BUB3: variants seen among roughly 807,000 people sequenced by gnomAD.
BUB3 encodes the protein mitotic checkpoint protein BUB3.
Under a neutral mutation model 39.9 loss-of-function variants are expected in BUB3, and 22 were observed. That is an observed-to-expected ratio of 0.55 (90% CI 0.39 to 0.79). The LOEUF is 0.79. BUB3 is among the 30% of genes least tolerant of loss of function. BUB3 has a pLI of 0.00. For missense variants in BUB3, 303 were observed against 415.4 expected (o/e 0.73, Z 2.35); for synonymous variants, 168 against 155.1 (o/e 1.08, Z -0.62).
In BUB3 at chr10:123,164,961, GA is replaced by G. The variant is rs1844470467; in HGVS notation, c.*1128del. The G allele has an allele frequency of 1.6e-5, 25 of 1,516,612 alleles. No homozygotes were observed. The highest frequency in any genetic ancestry group is 2.2e-5 in the Non-Finnish European group (25 of 1,146,028). The allele number at this position is 1,516,612 out of a possible 1,614,324, so 93.9% of individuals were successfully genotyped here. A position where few individuals can be genotyped will look rare whatever the true frequency, so the allele number is the denominator to read the frequency against. ...TTTTTTTTAATTCTTTTGATACAGAGAAGGGTCTTTTTTTTTTTAAGTATTT... is the reference window on the plus strand; with the variant it reads ...TTTTTTTTAATTCTTTTGATACAGAGAGGGTCTTTTTTTTTTTAAGTATTT... On this transcript the variant is annotated 3_prime_UTR_variant, in exon 8 of 8. Transcript: ENST00000368865.
At chr10:123,156,282 C>G (rs11248416) in intron 3 of BUB3, among the ~76,000 whole-genome samples, 12,528 of 152,248 alleles carry the variant, frequency 0.082, 628 homozygotes, top group South Asian at 0.12. Flanking sequence ...ATGACTTACT[C>G]AAATTTTTTT....
At chr10:123,154,602 T>C (rs966491270) in intron 1 of BUB3, 117 bp downstream of exon 1, 3 of 261,470 alleles carry the variant, frequency 1.1e-5, no homozygotes, top group Non-Finnish European at 2.2e-5. Context: ...TGTTTTCCCT[T>C]TATTTTTAGG....
In BUB3 at chr10:123,162,292, C is replaced by A; in HGVS notation, c.633C>A (p.Ser211Arg). The A allele has an allele frequency of 1.2e-6, 2 of 1,614,030 alleles. No homozygotes were observed. The highest frequency in any genetic ancestry group is 1.1e-5 in the South Asian group (1 of 91,072). Residue 211 changes from serine (S) to arginine (R), a missense_variant, in exon 6 of 8, where the codon AGC becomes AGA. This residue lies in a region of BUB3 where 182 missense variants were observed against 293.1 expected (regional missense o/e 0.62). Transcript: ENST00000368865. ...TGGCAGTTGAGTATTTGGACCCAAG[C>A]CCTGAGGTACAGAAGAAGAAGTATG... Reference protein sequence around the residue: ...GRVAVEYLDPSPEVQKKKYAF... With the variant: ...GRVAVEYLDPRPEVQKKKYAF...
At position 123,169,627 on chromosome 10, in the gene BUB3, C is replaced by A. The variant is rs1296945962; in HGVS notation, c.*5792C>A. The A allele has an allele frequency of 6.6e-6, 1 of 152,202 alleles. No individual in the cohort carries two copies. Among genetic ancestry groups the A allele is most frequent in the Non-Finnish European group, 1.5e-5 (1 of 68,038 alleles). 9.4% of individuals were successfully genotyped at this position (152,202 alleles called of 1,614,324 possible). On this transcript the variant is annotated 3_prime_UTR_variant, in exon 8 of 8. Coordinates refer to ENST00000368865, the MANE Select transcript of BUB3 (RefSeq NM_004725.4). ...AGGAAAAGCAATGTGGGCAGAAATT[C>A]CTTGTTCGAGAGCCTTCTGGTTATA... is the stretch of plus-strand genomic sequence containing the variant.
chr10:123,160,387 GT>G lies in BUB3; in HGVS notation c.418-16del. On this transcript the variant is annotated intron_variant, in intron 4 of 7. Coordinates refer to ENST00000368865, the MANE Select transcript of BUB3 (RefSeq NM_004725.4). ...CAGGCAAGAAGGTGATTTTTAGCAAGTTTTGATCTTTTTTAAAAGGTATATA... is the reference window on the plus strand; with the variant it reads ...CAGGCAAGAAGGTGATTTTTAGCAAGTTTGATCTTTTTTAAAAGGTATATA... 1 of 1,497,400 alleles carries G rather than the reference GT, an allele frequency of 6.7e-7. No individual in the cohort carries two copies. Among genetic ancestry groups the G allele is most frequent in the Non-Finnish European group, 8.9e-7 (1 of 1,121,166 alleles). The allele number at this position is 1,497,400 out of a possible 1,614,324, so 92.8% of individuals were successfully genotyped here.
Position 123,162,214 on chromosome 10 carries a change from TCCTCTGG to T in BUB3, c.577-21_577-15del. The T allele has an allele frequency of 6.3e-7, 1 of 1,586,854 alleles. No individual in the cohort carries two copies. ...TGGAAGCTGGAATTTACCATTTTTT[TCCTCTGG>T]TTCTCTCTTGGCAGGGTTATGTATT... On this transcript the variant is annotated splice_polypyrimidine_tract_variant and intron_variant, in intron 5 of 7. Transcript: ENST00000368865.
At chr10:123,158,367 ATTT>A (rs1313785895) in intron 4 of BUB3, among the ~76,000 whole-genome samples, 1 of 152,172 alleles carries the variant, frequency 6.6e-6, no homozygotes, top group Admixed American at 6.5e-5. Context: ...TCGTATATTT[ATTT>A]TTTAATACTG....
Position 123,164,943 on chromosome 10 carries a change from TAA to T in BUB3, c.*1109_*1110del. ...TATTTTATCCGTGATGTATTTTTTT[TAA>T]TTCTTTTGATACAGAGAAGGGTCTT... On this transcript the variant is annotated 3_prime_UTR_variant, in exon 8 of 8. Coordinates refer to ENST00000368865, the MANE Select transcript of BUB3 (RefSeq NM_004725.4). 6.7e-7 allele frequency: 1 copy of T among 1,500,344 alleles called. No homozygotes were observed. 92.9% of individuals were successfully genotyped at this position (1,500,344 alleles called of 1,614,324 possible).
At chr10:123,163,465 C>T (rs148819427) in intron 7 of BUB3, among the ~76,000 whole-genome samples, 2 of 152,332 alleles carry the variant, frequency 1.3e-5, no homozygotes, top group Non-Finnish European at 2.9e-5. Context: ...ATGTGTTAAA[C>T]TATAAAATAC....
At position 123,168,399 on chromosome 10, in the gene BUB3, A is replaced by T. The variant is rs1347266675; in HGVS notation, c.*4564A>T. 1 of 152,216 alleles carries T rather than the reference A, an allele frequency of 6.6e-6. No homozygotes were observed. Among genetic ancestry groups the T allele is most frequent in the Non-Finnish European group, 1.5e-5 (1 of 68,030 alleles). 9.4% of individuals were successfully genotyped at this position (152,216 alleles called of 1,614,324 possible). A position where few individuals can be genotyped will look rare whatever the true frequency, so the allele number is the denominator to read the frequency against. On this transcript the variant is annotated 3_prime_UTR_variant, in exon 8 of 8. Transcript: ENST00000368865. ...AAGCCACACAGCCTGCATGGTGTCC[A>T]CTTTGAGGGGGATGCCCATAGCTAT...
chr10:123,168,934 C>T lies in BUB3; in HGVS notation c.*5099C>T, dbSNP rs1844521640. The T allele has an allele frequency of 6.6e-6, 1 of 152,158 alleles. No homozygotes were observed. The highest frequency in any genetic ancestry group is 6.5e-5 in the Admixed American group (1 of 15,274). 9.4% of individuals were successfully genotyped at this position (152,158 alleles called of 1,614,324 possible). A position where few individuals can be genotyped will look rare whatever the true frequency, so the allele number is the denominator to read the frequency against. The stretch of plus-strand genomic sequence containing the variant: ...TCAAGACAATTCTTCCAGTGTGGAC[C>T]AGGAAAGCCAAAAGATTGGACACCC... On this transcript the variant is annotated 3_prime_UTR_variant, in exon 8 of 8. Coordinates refer to ENST00000368865, the MANE Select transcript of BUB3 (RefSeq NM_004725.4).
At chr10:123,163,036 G>A (rs1844446343) in intron 7 of BUB3, 8 of 551,008 alleles carry the variant, frequency 1.5e-5, no homozygotes, top group Non-Finnish European at 2.5e-5. Context: ...TAGTTGTTTT[G>A]TAGAGAAGAA....
In BUB3 at chr10:123,167,990, G is replaced by A. The variant is rs189545543; in HGVS notation, c.*4155G>A. On this transcript the variant is annotated 3_prime_UTR_variant, in exon 8 of 8. Transcript: ENST00000368865. ...TTTTTTTCTCCTTTTTCTGGAGAAC[G>A]GGGTCTCGCTATACTGCCCAGGCAG... is the stretch of plus-strand genomic sequence containing the variant. 1.3e-5 allele frequency: 2 copies of A among 151,302 alleles called. No individual in the cohort carries two copies. The highest frequency in any genetic ancestry group is 1.9e-4 in the East Asian group (1 of 5,148). 9.4% of individuals were successfully genotyped at this position (151,302 alleles called of 1,614,324 possible). A position where few individuals can be genotyped will look rare whatever the true frequency, so the allele number is the denominator to read the frequency against.
Position 123,166,839 on chromosome 10 carries a change from G to A in BUB3, c.*3004G>A, listed in dbSNP as rs1231325554. On this transcript the variant is annotated 3_prime_UTR_variant, in exon 8 of 8. Coordinates refer to ENST00000368865, the MANE Select transcript of BUB3 (RefSeq NM_004725.4). ...TGTGTAAAAACTTAAAGGTATATTA[G>A]CAGGTTAGCCTTTGTTCTGTGGGAG... 6.6e-6 allele frequency: 1 copy of A among 152,234 alleles called. No homozygotes were observed. Among genetic ancestry groups the A allele is most frequent in the African/African-American group, 2.4e-5 (1 of 41,464 alleles). The allele number at this position is 152,234 out of a possible 1,614,324, so 9.4% of individuals were successfully genotyped here.
rs1844369866 is a variant in BUB3, at chr10:123,157,874, T to C, written c.411T>C (p.Pro137=). Residue 137 remains proline (P), a synonymous_variant, in exon 4 of 8, where the codon CCT becomes CCC. Coordinates refer to ENST00000368865, the MANE Select transcript of BUB3 (RefSeq NM_004725.4). The part of the protein sequence containing the change: ...TPCNAGTFSQ[P]EKVYTLSVSG... ...GTAATGCTGGGACCTTCTCTCAGCC[T>C]GAAAAGGTAGGCTCTTTATATTCAT... 1 of 1,612,408 alleles carries C rather than the reference T, an allele frequency of 6.2e-7. No individual in the cohort carries two copies. Among genetic ancestry groups the C allele is most frequent in the Non-Finnish European group, 8.5e-7 (1 of 1,179,408 alleles).
rs1044777876 is a variant in BUB3, at chr10:123,170,069, A to G, written c.*6234A>G. ...GAGACCTTATCTTAATCTAAAAAAT[A>G]AAATTTCTGAGCCTTATTTTCCTCA... On this transcript the variant is annotated 3_prime_UTR_variant, in exon 8 of 8. Coordinates refer to ENST00000368865, the MANE Select transcript of BUB3 (RefSeq NM_004725.4). 8 of 152,198 alleles carry G rather than the reference A, an allele frequency of 5.3e-5. No individual in the cohort carries two copies. Among genetic ancestry groups the G allele is most frequent in the Non-Finnish European group, 1.2e-4 (8 of 68,044 alleles). 9.4% of individuals were successfully genotyped at this position (152,198 alleles called of 1,614,324 possible).
chr10:123,168,936 G>C lies in BUB3; in HGVS notation c.*5101G>C, dbSNP rs1271184272. The C allele has an allele frequency of 6.6e-6, 1 of 152,240 alleles. No individual in the cohort carries two copies. Among genetic ancestry groups the C allele is most frequent in the Admixed American group, 6.5e-5 (1 of 15,270 alleles). 9.4% of individuals were successfully genotyped at this position (152,240 alleles called of 1,614,324 possible). A position where few individuals can be genotyped will look rare whatever the true frequency, so the allele number is the denominator to read the frequency against. On this transcript the variant is annotated 3_prime_UTR_variant, in exon 8 of 8. Transcript: ENST00000368865. ...AAGACAATTCTTCCAGTGTGGACCA[G>C]GAAAGCCAAAAGATTGGACACCCCT...
In BUB3 at chr10:123,164,861, T is replaced by C; in HGVS notation, c.*1026T>C. On this transcript the variant is annotated 3_prime_UTR_variant, in exon 8 of 8. Coordinates refer to ENST00000368865, the MANE Select transcript of BUB3 (RefSeq NM_004725.4). Reference sequence around the variant, plus strand: ...GTATTTTTGTTGTCAAACTTTAAAATTTATATTAATTTGCAAATGTATGTC... The same window carrying C: ...GTATTTTTGTTGTCAAACTTTAAAACTTATATTAATTTGCAAATGTATGTC... 1.5e-6 allele frequency: 2 copies of C among 1,358,494 alleles called. No individual in the cohort carries two copies. The highest frequency in any genetic ancestry group is 1.9e-6 in the Non-Finnish European group (2 of 1,056,994). The allele number at this position is 1,358,494 out of a possible 1,614,324, so 84.2% of individuals were successfully genotyped here. A position where few individuals can be genotyped will look rare whatever the true frequency, so the allele number is the denominator to read the frequency against.
Position 123,164,999 on chromosome 10 carries a change from T to C in BUB3, c.*1164T>C, listed in dbSNP as rs1445410938. The C allele has an allele frequency of 6.3e-7, 1 of 1,582,984 alleles. No homozygotes were observed. Among genetic ancestry groups the C allele is most frequent in the South Asian group, 1.2e-5 (1 of 84,684 alleles). On this transcript the variant is annotated 3_prime_UTR_variant, in exon 8 of 8. Coordinates refer to ENST00000368865, the MANE Select transcript of BUB3 (RefSeq NM_004725.4). The stretch of plus-strand genomic sequence containing the variant: ...TTTTTTAAGTATTTCAGTGAAAACT[T>C]GGTGTAAGTCTGAACCCATCTTTTG...
Sources: allele counts gnomAD v4.1 joint callset (sites outside exome capture counted in the v4.1 genomes callset), GRCh38; gene constraint gnomAD v4.1.1; regional missense constraint gnomAD v4.1.1; transcripts MANE v1.5; gene names NCBI Gene and HGNC (gene_info 2026-07-23, HGNC 2026-07-21).